Variants in CSNK1G2 observed in about 807,000 individuals in gnomAD.
CSNK1G2 encodes casein kinase 1 gamma 2.
CSNK1G2 carries 11 observed loss-of-function variants against 48.0 expected under a neutral mutation model. That is an observed-to-expected ratio of 0.23 (90% CI 0.14 to 0.38). The LOEUF is 0.38. CSNK1G2 is among the 10% of genes least tolerant of loss of function. The pLI is 1.00. For missense variants in CSNK1G2, 446 were observed against 595.5 expected, an observed-to-expected ratio of 0.75 and a Z score of 2.61; for synonymous variants, 337 against 254.1, an observed-to-expected ratio of 1.33 and a Z score of -3.10.
At chr19:1,948,124 C>T (rs2014630466) in intron 1 of CSNK1G2, among the ~76,000 whole-genome samples, 1 of 152,180 alleles carries the variant, frequency 6.6e-6, no homozygotes, top group Non-Finnish European at 1.5e-5. Context: ...CAGACTTGAT[C>T]CTGCACCGGA....
intron 1 of CSNK1G2, chr19:1,954,586 T>G (rs972083773): frequency 1.3e-5 from 2 of 152,346 alleles, no homozygotes; most frequent in African/African-American, 2.4e-5. Context: ...GAGGGCTGTG[T>G]GGTGATGTCA....
chr19:1,950,415 A>G (rs999492566), intron 1 of CSNK1G2, among the ~76,000 whole-genome samples: 1 of 147,288 alleles, frequency 6.8e-6, no homozygotes, highest in Non-Finnish European at 1.5e-5. Flanking sequence ...CTGGGATTAC[A>G]GGCGTGAGCC....
At chr19:1,970,816 G>A (rs951964414) in intron 2 of CSNK1G2, among the ~76,000 whole-genome samples, 5 of 152,216 alleles carry the variant, frequency 3.3e-5, no homozygotes, top group African/African-American at 1.2e-4. Context: ...GGGTCCCTGG[G>A]AAAGAGCGCA....
At chr19:1,964,802 T>G (rs1446470692) in intron 1 of CSNK1G2, among the ~76,000 whole-genome samples, 1 of 151,606 alleles carries the variant, frequency 6.6e-6, no homozygotes, top group Non-Finnish European at 1.5e-5. Context: ...CTCGGTTCAC[T>G]GCAAGCTCCC....
intron 2 of CSNK1G2, chr19:1,975,598 G>T (rs186597973): frequency 2.0e-6 from 2 of 985,342 alleles, no homozygotes; most frequent in East Asian, 1.1e-4. Flanking sequence ...GGCGGGGAAG[G>T]GGGGATGAAT....
intron 2 of CSNK1G2, among the ~76,000 whole-genome samples, chr19:1,976,457 G>A (rs1301393767): frequency 1.3e-5 from 2 of 152,232 alleles, no homozygotes; most frequent in Non-Finnish European, 2.9e-5. Flanking sequence ...TGCTGAAATA[G>A]AGCCCAGGTA....
chr19:1,971,562 C>T (rs557652227), intron 2 of CSNK1G2, among the ~76,000 whole-genome samples: 2 of 152,332 alleles, frequency 1.3e-5, no homozygotes, highest in East Asian at 1.9e-4. Context: ...CGCACACAGG[C>T]GCACACAGCC....
chr19:1,953,519 A>G (rs1217617757), intron 1 of CSNK1G2: 1 of 531,004 alleles, frequency 1.9e-6, no homozygotes, highest in South Asian at 1.4e-5. Flanking sequence ...GAATTTTGGG[A>G]AAATTGCCCC....
At chr19:1,941,787 C>T (rs1272044556) in intron 1 of CSNK1G2, among the ~76,000 whole-genome samples, 1 of 149,892 alleles carries the variant, frequency 6.7e-6, no homozygotes, top group Admixed American at 6.6e-5. Context: ...AGTGACCCCC[C>T]CACTCTGCAC....
At chr19:1,965,949 G>A (rs1325210967) in intron 1 of CSNK1G2, among the ~76,000 whole-genome samples, 3 of 152,078 alleles carry the variant, frequency 2.0e-5, no homozygotes, top group East Asian at 1.9e-4. Flanking sequence ...GGTGCGCACC[G>A]CCATGACTGG....
In CSNK1G2 at chr19:1,959,622, T is replaced by C. The variant is rs113846300; in HGVS notation, c.-265-9886T>C. On this transcript the variant is annotated intron_variant, in intron 1 of 11. Coordinates refer to ENST00000255641, the MANE Select transcript of CSNK1G2 (RefSeq NM_001319.7). ...GCCACCCTGAGTCCCCCAGCACCCG[T>C]GCCACCTTTAGTGCCACCGTGGGTC... Among the ~76,000 whole-genome samples the C allele has an allele frequency of 4.5e-3, 213 of 47,748 alleles. 8 individuals carry two copies. The highest frequency in any genetic ancestry group is 0.02 in the African/African-American group (112 of 5,738). The allele number at this position is 47,748 out of a possible 152,430, so 31.3% of individuals were successfully genotyped here. A position where few individuals can be genotyped will look rare whatever the true frequency, so the allele number is the denominator to read the frequency against.
At chr19:1,941,479 C>T (rs2014357427) in intron 1 of CSNK1G2, 61 bp downstream of exon 1, 2 of 143,820 alleles carry the variant, frequency 1.4e-5, no homozygotes, top group African/African-American at 5.1e-5. Flanking sequence ...CTGGGCGCCC[C>T]CAGTGACCCC....
chr19:1,944,584 T>G (rs2014485353), intron 1 of CSNK1G2, among the ~76,000 whole-genome samples: 1 of 151,810 alleles, frequency 6.6e-6, no homozygotes, highest in Non-Finnish European at 1.5e-5. Context: ...CTCACCGCCT[T>G]CCCCATCCTC....
intron 1 of CSNK1G2, among the ~76,000 whole-genome samples, chr19:1,966,826 C>T (rs746142829): frequency 1.2e-4 from 18 of 152,170 alleles, no homozygotes; most frequent in South Asian, 4.2e-4. Flanking sequence ...GGGCCACTCC[C>T]GGTTCCCATG....
chr19:1,947,857 G>A (rs77957136), intron 1 of CSNK1G2, among the ~76,000 whole-genome samples: 1,893 of 152,300 alleles, frequency 0.012, 34 homozygotes, highest in African/African-American at 0.044. Flanking sequence ...TGGGTGGACC[G>A]TGGCTGCCCC....
Position 1,980,404 on chromosome 19 carries a change from C to G in CSNK1G2, c.*201C>G, listed in dbSNP as rs781161994. ...TCACTTCCTTCATGTAAGACTTTGG[C>G]CGAAATTTCTACACCTGTGTCTAGT... On this transcript the variant is annotated 3_prime_UTR_variant, in exon 12 of 12. Transcript: ENST00000255641. The G allele has an allele frequency of 1.4e-5, 9 of 655,102 alleles. No homozygotes were observed. Among genetic ancestry groups the G allele is most frequent in the Non-Finnish European group, 2.4e-5 (9 of 369,752 alleles). The allele number at this position is 655,102 out of a possible 1,614,324, so 40.6% of individuals were successfully genotyped here. A position where few individuals can be genotyped will look rare whatever the true frequency, so the allele number is the denominator to read the frequency against.
Position 1,978,813 on chromosome 19 carries a change from G to A in CSNK1G2, c.448-46G>A, listed in dbSNP as rs769562349. 1.6e-5 allele frequency: 25 copies of A among 1,590,072 alleles called. No homozygotes were observed. The highest frequency in any genetic ancestry group is 8.6e-5 in the Admixed American group (5 of 58,372). On this transcript the variant is annotated intron_variant, in intron 5 of 11. Coordinates refer to ENST00000255641, the MANE Select transcript of CSNK1G2 (RefSeq NM_001319.7). This position sits in a 1 kb window ranked among gnomAD's most constrained non-coding sequence, Gnocchi z 7.3. ...AGAGGGTGGCCCTGGAGGGGAGCGC[G>A]TGGGACGGGGAGGGGCCCGGCCGAC...
At chr19:1,952,315 C>T (rs1436935968) in intron 1 of CSNK1G2, among the ~76,000 whole-genome samples, 2 of 151,850 alleles carry the variant, frequency 1.3e-5, no homozygotes, top group South Asian at 2.1e-4. Flanking sequence ...GATGCTTCCA[C>T]GTGCTCAACT....
chr19:1,964,007 G>A (rs895749391), intron 1 of CSNK1G2, among the ~76,000 whole-genome samples: 8 of 151,954 alleles, frequency 5.3e-5, no homozygotes, highest in African/African-American at 1.9e-4. Context: ...AGTAGAGACA[G>A]GGTTTCACCA....
Sources: allele counts gnomAD v4.1 joint callset (sites outside exome capture counted in the v4.1 genomes callset), GRCh38; gene constraint gnomAD v4.1.1; non-coding constraint Gnocchi (gnomAD v3.1); transcripts MANE v1.5; gene names NCBI Gene and HGNC (gene_info 2026-07-23, HGNC 2026-07-21).